ZMAT4: variants seen among roughly 807,000 people sequenced by gnomAD.
The protein encoded by ZMAT4 is zinc finger matrin-type 4, also known as zinc finger matrin-type protein 4.
Under a neutral mutation model 28.7 loss-of-function variants are expected in ZMAT4, and 17 were observed. The ratio of observed to expected loss-of-function variants is 0.59; its 90% CI spans 0.41 to 0.89. ZMAT4 has a LOEUF of 0.89. Among genes scored for constraint, ZMAT4 ranks in the 40% least tolerant of loss-of-function variants. The probability of loss-of-function intolerance (pLI) is 0.00; values close to 1 mark genes in which losing one functional copy is unlikely to be tolerated. For synonymous variants in ZMAT4, 117 were observed against 109.2 expected (o/e 1.07, Z -0.44); for missense variants, 240 against 283.8 (o/e 0.85, Z 1.11).
At chr8:40,836,693 A>G (rs1431204850) in intron 1 of ZMAT4, among the ~76,000 whole-genome samples, 1 of 149,782 alleles carries the variant, frequency 6.7e-6, no homozygotes, top group Non-Finnish European at 1.5e-5. Flanking sequence ...ATACATGTAG[A>G]AAAGATACAA....
intron 5 of ZMAT4, among the ~76,000 whole-genome samples, chr8:40,591,463 A>G (rs1381926060): frequency 2.6e-5 from 4 of 152,140 alleles, no homozygotes; most frequent in Admixed American, 1.3e-4. Context: ...CACCCATGTG[A>G]CTGAGGCTGG....
chr8:40,771,793 T>C (rs1320943451), intron 2 of ZMAT4, among the ~76,000 whole-genome samples: 1 of 152,196 alleles, frequency 6.6e-6, no homozygotes, highest in East Asian at 1.9e-4. Context: ...TACGCACAAC[T>C]ACACTGTGAA....
At chr8:40,752,371 G>A (rs918790190) in intron 3 of ZMAT4, among the ~76,000 whole-genome samples, 2 of 152,190 alleles carry the variant, frequency 1.3e-5, no homozygotes, top group Non-Finnish European at 2.9e-5. Context: ...TTGGCTTAAA[G>A]GAAGCTCTGA....
At chr8:40,602,878 A>G (rs1301107059) in intron 5 of ZMAT4, among the ~76,000 whole-genome samples, 1 of 152,082 alleles carries the variant, frequency 6.6e-6, no homozygotes, top group African/African-American at 2.4e-5. Flanking sequence ...TACTCTGCTG[A>G]TTATTTCTTT....
intron 1 of ZMAT4, among the ~76,000 whole-genome samples, chr8:40,887,532 G>C (rs552290761): frequency 1.0e-3 from 159 of 151,782 alleles, no homozygotes; most frequent in Non-Finnish European, 1.8e-3. Flanking sequence ...GTAAAATAGT[G>C]GTTTGGTATA....
intron 4 of ZMAT4, among the ~76,000 whole-genome samples, chr8:40,681,125 C>A (rs534616834): frequency 1.3e-5 from 2 of 152,116 alleles, no homozygotes; most frequent in South Asian, 2.1e-4. Flanking sequence ...GTGTAGAGTC[C>A]CTTGATTAAT....
intron 5 of ZMAT4, among the ~76,000 whole-genome samples, chr8:40,604,113 C>T (rs1805497073): frequency 6.6e-6 from 1 of 152,048 alleles, no homozygotes; most frequent in Non-Finnish European, 1.5e-5. Flanking sequence ...GATCTAGGAG[C>T]TTTTGGATGA....
chr8:40,792,525 A>G (rs191894742), intron 2 of ZMAT4, among the ~76,000 whole-genome samples: 1 of 16,216 alleles, frequency 6.2e-5, no homozygotes, highest in African/African-American at 2.9e-4. Context: ...GGAAGGAAGG[A>G]AGGAAGGGAC....
chr8:40,634,851 C>T (rs556035524), intron 5 of ZMAT4, among the ~76,000 whole-genome samples: 3 of 152,162 alleles, frequency 2.0e-5, no homozygotes, highest in South Asian at 4.1e-4. Context: ...GATACTGATG[C>T]GTGATTTATT....
At chr8:40,562,746 C>T (rs1803789516) in intron 6 of ZMAT4, among the ~76,000 whole-genome samples, 1 of 152,108 alleles carries the variant, frequency 6.6e-6, no homozygotes, top group African/African-American at 2.4e-5. Flanking sequence ...AATCCTCTTT[C>T]TACTTGACTC....
At chr8:40,602,947 C>G (rs1257085793) in intron 5 of ZMAT4, among the ~76,000 whole-genome samples, 1 of 152,134 alleles carries the variant, frequency 6.6e-6, no homozygotes, top group African/African-American at 2.4e-5. Flanking sequence ...GTTTTTGTCA[C>G]ATTTGCTTTT....
At chr8:40,739,844 G>T (rs1811926695) in intron 3 of ZMAT4, among the ~76,000 whole-genome samples, 1 of 152,064 alleles carries the variant, frequency 6.6e-6, no homozygotes, top group African/African-American at 2.4e-5. Context: ...CCCTCCCTGT[G>T]TCCACATGTT....
At chr8:40,792,426 T>C (rs1259498647) in intron 2 of ZMAT4, among the ~76,000 whole-genome samples, 1 of 134,412 alleles carries the variant, frequency 7.4e-6, no homozygotes, top group Non-Finnish European at 1.5e-5. Context: ...TATCCTTCAA[T>C]AGATTAGTAG....
At chr8:40,779,122 T>C (rs529708787) in intron 2 of ZMAT4, among the ~76,000 whole-genome samples, 4 of 151,974 alleles carry the variant, frequency 2.6e-5, no homozygotes, top group East Asian at 3.9e-4. Context: ...ATGGGTGCAG[T>C]TTCCCCAAAT....
intron 5 of ZMAT4, among the ~76,000 whole-genome samples, chr8:40,589,908 TCTTC>T (rs1379681240): frequency 7.6e-6 from 1 of 130,838 alleles, no homozygotes; most frequent in African/African-American, 2.9e-5. Context: ...TCTCTTCCCT[TCTTC>T]CTCCCTCCCT....
intron 5 of ZMAT4, among the ~76,000 whole-genome samples, chr8:40,615,795 T>C (rs189581099): frequency 1.0e-3 from 155 of 152,316 alleles, no homozygotes; most frequent in African/African-American, 3.6e-3. Context: ...TTTAAGGACT[T>C]CTCTACACTG....
At chr8:40,742,383 A>G (rs1812048295) in intron 3 of ZMAT4, among the ~76,000 whole-genome samples, 1 of 150,416 alleles carries the variant, frequency 6.6e-6, no homozygotes, top group Admixed American at 6.6e-5. Flanking sequence ...GTATATAAAT[A>G]TATGTGTATA....
At chr8:40,801,301 A>G (rs918498356) in intron 2 of ZMAT4, among the ~76,000 whole-genome samples, 13 of 148,718 alleles carry the variant, frequency 8.7e-5, no homozygotes, top group African/African-American at 2.7e-4. Context: ...AGGAAAAATT[A>G]TACCAATTCT....
chr8:40,533,443 G>T (rs1416014689), intron 6 of ZMAT4, among the ~76,000 whole-genome samples: 1 of 152,244 alleles, frequency 6.6e-6, no homozygotes, highest in East Asian at 1.9e-4. Flanking sequence ...TTAGAGGGAA[G>T]GGTGGCAAAA....
Sources: allele counts gnomAD v4.1 joint callset (sites outside exome capture counted in the v4.1 genomes callset), GRCh38; gene constraint gnomAD v4.1.1; transcripts MANE v1.5; gene names NCBI Gene and HGNC (gene_info 2026-07-23, HGNC 2026-07-21).